PADI6: variants seen among roughly 807,000 people sequenced by gnomAD.
PADI6 encodes the protein inactive protein-arginine deiminase type-6.
In PADI6, 66 loss-of-function variants were observed where a neutral mutation model predicts 78.2. The ratio of observed to expected loss-of-function variants is 0.84; its 90% confidence interval spans 0.69 to 1.04. The LOEUF (loss-of-function observed/expected upper bound fraction) is 1.04. Among genes scored for constraint, PADI6 ranks in the 50% least tolerant of loss-of-function variants. The probability of loss-of-function intolerance (pLI) is 0.00; values close to 1 mark genes in which losing one functional copy is unlikely to be tolerated. For synonymous variants in PADI6, 397 were observed against 346.9 expected, an observed-to-expected ratio of 1.14 and a Z score of -1.60; for missense variants, 854 against 866.1, an observed-to-expected ratio of 0.99 and a Z score of 0.18.
chr1:17,380,708 T>C (rs2075064813), intron 4 of PADI6, among the ~76,000 whole-genome samples: 1 of 152,176 alleles, frequency 6.6e-6, no homozygotes. Flanking sequence ...TCTAGGCTCA[T>C]GTCCTACCCT....
At chr1:17,378,402 A>G (rs981381893) in intron 3 of PADI6, among the ~76,000 whole-genome samples, 8 of 152,196 alleles carry the variant, frequency 5.3e-5, no homozygotes, top group Non-Finnish European at 8.8e-5. Flanking sequence ...ATGATGTAAC[A>G]GCAAACAAGT....
chr1:17,380,083 T>C, intron 4 of PADI6, 96 bp downstream of exon 4: 2 of 1,232,248 alleles, frequency 1.6e-6, no homozygotes, highest in South Asian at 1.3e-5. Context: ...TCTAGCCCAA[T>C]TGCTGTGACA....
chr1:17,375,017 C>T (rs1557595116), intron 2 of PADI6, among the ~76,000 whole-genome samples: 2 of 152,148 alleles, frequency 1.3e-5, no homozygotes, highest in African/African-American at 4.8e-5. Flanking sequence ...CCCCACCGTG[C>T]ACCTTATGGA....
At chr1:17,384,299 G>T (rs1458765903) in intron 6 of PADI6, among the ~76,000 whole-genome samples, 1 of 151,574 alleles carries the variant, frequency 6.6e-6, no homozygotes, top group Non-Finnish European at 1.5e-5. Flanking sequence ...CAGAATACAG[G>T]GTTCTAGAAA....
At position 17,388,863 on chromosome 1, in the gene PADI6, G is replaced by A; in HGVS notation, c.945G>A (p.Leu315=). ...CVFIPCTQVP[L]EVYLCRELQL... Reference sequence around the variant, plus strand: ...TCATTCCCTGTACCCAGGTGCCTCTGGAGGTTTACCTGTGCAGGTGAGAGA... The same window carrying A: ...TCATTCCCTGTACCCAGGTGCCTCTAGAGGTTTACCTGTGCAGGTGAGAGA... The change falls in exon 8 of 16, where the codon CTG becomes CTA. Residue 315 remains leucine (L), a synonymous_variant. Coordinates refer to ENST00000619609, the MANE Select transcript of PADI6 (RefSeq NM_207421.4). The A allele has an allele frequency of 6.2e-7, 1 of 1,613,552 alleles. No individual in the cohort carries two copies. Among genetic ancestry groups the A allele is most frequent in the Non-Finnish European group, 8.5e-7 (1 of 1,179,720 alleles).
In PADI6 at chr1:17,372,321, G is replaced by T. The variant is rs762417543; in HGVS notation, c.76G>T (p.Val26Phe). 1 of 1,613,990 alleles carries T rather than the reference G, an allele frequency of 6.2e-7. No individual in the cohort carries two copies. Among genetic ancestry groups the T allele is most frequent in the Non-Finnish European group, 8.5e-7 (1 of 1,179,884 alleles). The change falls in exon 1 of 16, where the codon GTT (valine) becomes TTT (phenylalanine). Residue 26 changes from valine (V) to phenylalanine (F), a missense_variant. Physicochemically the swap from Val to Phe is conservative, Grantham distance 50. Coordinates refer to ENST00000619609, the MANE Select transcript of PADI6 (RefSeq NM_207421.4). ...GTCCCTGGACAGCCCTGTCCATGCC[G>T]TTTGTGTGTTGGGCACAGAAATCTG... Reference protein sequence around the residue: ...HLSLDSPVHAVCVLGTEICLD... With the variant: ...HLSLDSPVHAFCVLGTEICLD...
rs930690611 is a variant in PADI6 at position 17,391,793 on chromosome 1, T to C, written c.963-321T>C. ...TCATGCCACTGCACTCCAGCCTGGG[T>C]GACAGAACGAAAGGAAGGGTACTTG... On this transcript the variant is annotated intron_variant, in intron 8 of 15. Coordinates refer to ENST00000619609, the MANE Select transcript of PADI6 (RefSeq NM_207421.4). Among the ~76,000 whole-genome samples, 23 of 152,056 alleles carry C rather than the reference T, an allele frequency of 1.5e-4. 1 individual carries two copies. The highest frequency in any genetic ancestry group is 4.8e-4 in the African/African-American group (20 of 41,388).
Position 17,401,576 on chromosome 1 carries a change from G to A in PADI6, c.*138G>A, listed in dbSNP as rs34167614. 176,272 of 771,394 alleles carry A rather than the reference G, an allele frequency of 0.23. 21,208 individuals are homozygous for A. Among genetic ancestry groups the A allele is most frequent in the East Asian group, 0.33 (12,256 of 37,018 alleles). 47.8% of individuals were successfully genotyped at this position (771,394 alleles called of 1,614,324 possible). On this transcript the variant is annotated 3_prime_UTR_variant, in exon 16 of 16. Transcript: ENST00000619609. ...CCTTTCTTCCCTGTCTGCCCCGACCGACCCTCGGACCCAGTAGGATGGCAA... is the reference window on the plus strand; with the variant it reads ...CCTTTCTTCCCTGTCTGCCCCGACCAACCCTCGGACCCAGTAGGATGGCAA...
At chr1:17,390,007 T>C (rs1328087152) in intron 8 of PADI6, among the ~76,000 whole-genome samples, 2 of 151,994 alleles carry the variant, frequency 1.3e-5, no homozygotes, top group Non-Finnish European at 2.9e-5. Flanking sequence ...GAAACACTAA[T>C]AGGAAAAGGT....
intron 11 of PADI6, 150 bp downstream of exon 11, chr1:17,394,604 G>A: frequency 1.2e-6 from 1 of 862,314 alleles, no homozygotes; most frequent in South Asian, 2.1e-5. Context: ...TCACGTGGGA[G>A]ACTAAAGATG....
chr1:17,394,492 G>A, intron 11 of PADI6, 38 bp downstream of exon 11: 1 of 1,600,784 alleles, frequency 6.2e-7, no homozygotes, highest in African/African-American at 1.3e-5. Context: ...ATGAAAGGAA[G>A]GGACCATGGT....
chr1:17,395,750 C>A, intron 13 of PADI6, 87 bp downstream of exon 13: 1 of 1,458,468 alleles, frequency 6.9e-7, no homozygotes, highest in Non-Finnish European at 9.2e-7. Flanking sequence ...TCACGCTTGG[C>A]GTAAAGGATG....
At position 17,390,370 on chromosome 1, in the gene PADI6, C is replaced by T. The variant is rs574936674; in HGVS notation, c.962+1490C>T. ...ATCCCAGCACTTTGGGAGGCTGAGG[C>T]GGGCGGATCACCTGAGGTCAGGAGT... On this transcript the variant is annotated intron_variant, in intron 8 of 15. Transcript: ENST00000619609. 6.0e-5 allele frequency among the ~76,000 whole-genome samples: 9 copies of T among 150,244 alleles called. No individual in the cohort carries two copies. In the East Asian group the frequency reaches 1.2e-3, roughly 20 times the overall value.
chr1:17,380,255 G>C (rs147601825), intron 4 of PADI6, among the ~76,000 whole-genome samples: 56 of 152,266 alleles, frequency 3.7e-4, no homozygotes, highest in Non-Finnish European at 6.5e-4. Context: ...TGTTACCCAG[G>C]CTGGAGTGCA....
intron 6 of PADI6, among the ~76,000 whole-genome samples, chr1:17,382,582 C>T (rs932928486): frequency 6.6e-6 from 1 of 152,208 alleles, no homozygotes; most frequent in Admixed American, 6.5e-5. Flanking sequence ...ATCTTCAGCC[C>T]TCCTCTCCTG....
At chr1:17,386,311 C>T (rs1354090362) in intron 6 of PADI6, among the ~76,000 whole-genome samples, 2 of 152,214 alleles carry the variant, frequency 1.3e-5, no homozygotes, top group East Asian at 3.8e-4. Flanking sequence ...CTATGCTTCA[C>T]AACAAACTAT....
chr1:17,384,122 G>A (rs2075098311), intron 6 of PADI6, among the ~76,000 whole-genome samples: 1 of 151,368 alleles, frequency 6.6e-6, no homozygotes, highest in Non-Finnish European at 1.5e-5. Flanking sequence ...CAGCCTAGGT[G>A]ACAGAGTGGG....
At chr1:17,379,834 G>C (rs993488121) in intron 3 of PADI6, 86 bp from the exon 4 acceptor site, 1 of 1,203,696 alleles carries the variant, frequency 8.3e-7, no homozygotes, top group Non-Finnish European at 1.2e-6. Flanking sequence ...TGCCAGCCTT[G>C]GGCAGCCCCA....
At position 17,401,481 on chromosome 1, in the gene PADI6, C is replaced by T. The variant is rs2075300986; in HGVS notation, c.*43C>T. ...GCCAGCTCTGCCCCAGCGTGGATGG[C>T]CCACTGTCACCATGCAACAGCATGA... On this transcript the variant is annotated 3_prime_UTR_variant, in exon 16 of 16. Coordinates refer to ENST00000619609, the MANE Select transcript of PADI6 (RefSeq NM_207421.4). The T allele has an allele frequency of 6.7e-7, 1 of 1,502,950 alleles. No homozygotes were observed. The highest frequency in any genetic ancestry group is 1.4e-5 in the African/African-American group (1 of 72,582). The allele number at this position is 1,502,950 out of a possible 1,614,324, so 93.1% of individuals were successfully genotyped here. A position where few individuals can be genotyped will look rare whatever the true frequency, so the allele number is the denominator to read the frequency against.
Sources: allele counts gnomAD v4.1 joint callset (sites outside exome capture counted in the v4.1 genomes callset), GRCh38; gene constraint gnomAD v4.1.1; transcripts MANE v1.5; gene names NCBI Gene and HGNC (gene_info 2026-07-23, HGNC 2026-07-21).